SPAG17: variants seen among roughly 807,000 people sequenced by gnomAD.
SPAG17 encodes sperm-associated antigen 17.
A neutral mutation model predicts 273.6 loss-of-function variants in SPAG17; 169 were observed. That is an observed-to-expected ratio of 0.62 (90% confidence interval 0.55 to 0.70). The LOEUF is 0.70. Among genes scored for constraint, SPAG17 ranks in the 30% least tolerant of loss-of-function variants. SPAG17 has a pLI of 0.00. For missense variants in SPAG17, 2,557 were observed against 2,627.8 expected (o/e 0.97, Z 0.59); for synonymous variants, 825 against 873.2 (o/e 0.94, Z 0.97).
chr1:118,141,012 G>T (rs1658651492), intron 3 of SPAG17, among the ~76,000 whole-genome samples: 1 of 152,040 alleles, frequency 6.6e-6, no homozygotes, highest in African/African-American at 2.4e-5. Context: ...TTTTCAGTTG[G>T]ATCTTCTTTT....
intron 3 of SPAG17, among the ~76,000 whole-genome samples, chr1:118,119,117 G>C (rs1014440543): frequency 3.9e-5 from 6 of 152,160 alleles, no homozygotes; most frequent in African/African-American, 1.2e-4. Flanking sequence ...GCATGTATGT[G>C]TGTGTGCATA....
rs1659212316 is a variant in SPAG17 at position 118,148,814 on chromosome 1, T to A, written c.315+1729A>T. Among the ~76,000 whole-genome samples, 4 of 152,158 alleles carry A rather than the reference T, an allele frequency of 2.6e-5. No individual in the cohort carries two copies. In the South Asian group the frequency reaches 8.3e-4, roughly 31 times the overall value. On this transcript the variant is annotated intron_variant, in intron 3 of 48. Coordinates refer to ENST00000336338, the MANE Select transcript of SPAG17 (RefSeq NM_206996.4). ...CTATTCCATGGCCACCACTCGCAAC[T>A]ACCATGCAGCTCTGCAGGGGTTGCC... is the stretch of plus-strand genomic sequence containing the variant.
chr1:118,089,028 T>C (rs1655191513), intron 10 of SPAG17, among the ~76,000 whole-genome samples: 1 of 152,140 alleles, frequency 6.6e-6, no homozygotes, highest in Non-Finnish European at 1.5e-5. Flanking sequence ...ACTGCTTGCA[T>C]GGAGTTTATA....
intron 3 of SPAG17, among the ~76,000 whole-genome samples, chr1:118,126,079 G>A (rs981367295): frequency 6.7e-6 from 1 of 149,042 alleles, no homozygotes; most frequent in African/African-American, 2.5e-5. Flanking sequence ...ATTCTAACGG[G>A]TGAAATCATA....
At chr1:118,136,786 AGT>A (rs1189168115) in intron 3 of SPAG17, among the ~76,000 whole-genome samples, 2 of 126,438 alleles carry the variant, frequency 1.6e-5, no homozygotes, top group African/African-American at 3.0e-5. Flanking sequence ...AAAGGGGTAA[AGT>A]GTGTGTGTGT....
At chr1:117,992,142 T>C (rs1334229895) in intron 36 of SPAG17, among the ~76,000 whole-genome samples, 2 of 152,188 alleles carry the variant, frequency 1.3e-5, no homozygotes, top group Admixed American at 6.5e-5. Context: ...TGGACAAATA[T>C]ATTAATATGT....
At chr1:118,029,756 C>T (rs1451285745) in intron 25 of SPAG17, among the ~76,000 whole-genome samples, 3 of 152,076 alleles carry the variant, frequency 2.0e-5, no homozygotes, top group Non-Finnish European at 2.9e-5. Flanking sequence ...CTTTTGTTAA[C>T]CACCAAAATC....
At chr1:117,968,798 G>C (rs1038602260) in intron 46 of SPAG17, among the ~76,000 whole-genome samples, 1 of 152,176 alleles carries the variant, frequency 6.6e-6, no homozygotes, top group African/African-American at 2.4e-5. Flanking sequence ...GGATACTTTT[G>C]TGCACTGTTC....
At chr1:117,994,633 A>C (rs946807086) in intron 34 of SPAG17, 103 bp from the exon 35 acceptor site, 1 of 1,166,588 alleles carries the variant, frequency 8.6e-7, no homozygotes, top group African/African-American at 1.6e-5. Flanking sequence ...GAACAGACTT[A>C]GACATGAAAG....
At chr1:117,969,605 TAAAC>T (rs1654320327) in intron 46 of SPAG17, among the ~76,000 whole-genome samples, 2 of 152,004 alleles carry the variant, frequency 1.3e-5, no homozygotes, top group Admixed American at 6.5e-5. Flanking sequence ...TAAATATAAA[TAAAC>T]AAATATGATT....
At chr1:118,048,103 G>C (rs970964172) in intron 20 of SPAG17, among the ~76,000 whole-genome samples, 1 of 152,066 alleles carries the variant, frequency 6.6e-6, no homozygotes, top group East Asian at 1.9e-4. Flanking sequence ...CTCCAGGCTG[G>C]TGCCGAAAGC....
chr1:117,977,071 A>G (rs1457986476), intron 43 of SPAG17, among the ~76,000 whole-genome samples: 1 of 151,914 alleles, frequency 6.6e-6, no homozygotes, highest in East Asian at 1.9e-4. Context: ...GCACTTTGGG[A>G]GGCCGAGGTG....
chr1:118,003,746 C>A (rs1046817888), intron 32 of SPAG17, among the ~76,000 whole-genome samples: 2 of 152,064 alleles, frequency 1.3e-5, no homozygotes, highest in East Asian at 3.9e-4. Context: ...AGCTTCCTTG[C>A]GATGGGTTTG....
At chr1:117,977,173 T>A (rs948310785) in intron 43 of SPAG17, among the ~76,000 whole-genome samples, 6 of 145,290 alleles carry the variant, frequency 4.1e-5, no homozygotes, top group Non-Finnish European at 1.5e-5. Flanking sequence ...AAAAAAAAAT[T>A]AGCTGGGTGT....
chr1:118,141,895 C>T (rs763302659), intron 3 of SPAG17, among the ~76,000 whole-genome samples: 6 of 152,188 alleles, frequency 3.9e-5, no homozygotes, highest in Non-Finnish European at 7.3e-5. Flanking sequence ...GTCTCCATCA[C>T]GGCCATGAGG....
intron 24 of SPAG17, among the ~76,000 whole-genome samples, chr1:118,035,035 T>C (rs1648920929): frequency 1.3e-5 from 2 of 152,130 alleles, no homozygotes; most frequent in African/African-American, 4.8e-5. Context: ...CCTACCCAAT[T>C]AAAGGGGGAG....
chr1:118,024,486 T>C (rs182640343), intron 27 of SPAG17, among the ~76,000 whole-genome samples: 28 of 152,278 alleles, frequency 1.8e-4, no homozygotes, highest in African/African-American at 6.5e-4. Context: ...TTCTTTTAGA[T>C]ATTGAATTAT....
chr1:118,166,907 AC>A (rs1290247338), intron 1 of SPAG17, among the ~76,000 whole-genome samples: 1 of 152,222 alleles, frequency 6.6e-6, no homozygotes, highest in Non-Finnish European at 1.5e-5. Context: ...AAATGCTTTG[AC>A]AAAGTCAGGA....
chr1:118,097,227 CAAA>C (rs5777334), intron 7 of SPAG17, among the ~76,000 whole-genome samples: 3 of 129,810 alleles, frequency 2.3e-5, no homozygotes, highest in South Asian at 2.4e-4. Context: ...AAGACTGTCT[CAAA>C]AAAAAAAAAA....
Sources: allele counts gnomAD v4.1 joint callset (sites outside exome capture counted in the v4.1 genomes callset), GRCh38; gene constraint gnomAD v4.1.1; transcripts MANE v1.5; gene names NCBI Gene and HGNC (gene_info 2026-07-23, HGNC 2026-07-21).